Variants in RBIS observed in about 807,000 individuals in gnomAD.
RBIS encodes ribosomal biogenesis factor, also known as ribosome biogenesis factor identified in screen.
Under a neutral mutation model 9.8 loss-of-function variants are expected in RBIS, and 9 were observed. The ratio of observed to expected loss-of-function variants is 0.92; its 90% CI spans 0.56 to 1.61. RBIS has a LOEUF of 1.61. RBIS is among the 40% of genes most tolerant of loss of function. The pLI, the probability that RBIS is intolerant of heterozygous loss-of-function variation, is 0.00. For missense variants in RBIS, 103 were observed against 116.0 expected, an observed-to-expected ratio of 0.89 and a Z score of 0.51; for synonymous variants, 35 against 37.9, an observed-to-expected ratio of 0.92 and a Z score of 0.28.
intron 3 of RBIS, 53 bp from the exon 4 acceptor site, chr8:85,214,684 T>C: frequency 9.1e-7 from 1 of 1,094,148 alleles, no homozygotes; most frequent in Non-Finnish European, 1.4e-6. Flanking sequence ...AGCAGACAAA[T>C]GACTTATATA....
chr8:85,215,263 C>G, intron 2 of RBIS: 1 of 254,768 alleles, frequency 3.9e-6, no homozygotes, highest in Non-Finnish European at 7.4e-6. Context: ...GTTCAGAAGG[C>G]TAAAATATGT....
rs1344306700 is a variant in RBIS, at chr8:85,215,171, TTA to T, written c.115-136_115-135del. On this transcript the variant is annotated intron_variant, in intron 2 of 3. Transcript: ENST00000619594. ...TTAGGGATAATTCACTCAAAAATTC[TTA>T]TAGTCTTATTGGGAAATTACAGACA... The T allele has an allele frequency of 1.9e-5, 9 of 462,310 alleles. No individual in the cohort carries two copies. In the Admixed American group the frequency reaches 3.2e-4, roughly 16 times the overall value. The allele number at this position is 462,310 out of a possible 1,614,324, so 28.6% of individuals were successfully genotyped here.
rs779594526 is a variant in RBIS, at chr8:85,214,118, CT to C, written c.*441del. On this transcript the variant is annotated 3_prime_UTR_variant, in exon 4 of 4. Transcript: ENST00000619594. ...AAAGTAACTATATTCTGGATTTCAA[CT>C]TTTCTTCTAATTGTGAATCCTTCTG... is the stretch of plus-strand genomic sequence containing the variant. The C allele has an allele frequency of 1.6e-4, 92 of 563,850 alleles. No individual in the cohort carries two copies. Among genetic ancestry groups the C allele is most frequent in the Non-Finnish European group, 2.9e-4 (86 of 301,546 alleles). The allele number at this position is 563,850 out of a possible 1,614,324, so 34.9% of individuals were successfully genotyped here.
intron 2 of RBIS, 126 bp downstream of exon 2, chr8:85,217,260 A>G: frequency 4.2e-6 from 3 of 717,150 alleles, no homozygotes; most frequent in Non-Finnish European, 7.6e-6. Context: ...AATGCTTGAA[A>G]CCATCCTTAC....
Position 85,214,597 on chromosome 8 carries a change from T to A in RBIS, c.266A>T (p.Asn89Ile). 1 of 1,574,850 alleles carries A rather than the reference T, an allele frequency of 6.3e-7. No individual in the cohort carries two copies. ...PQQRHESKPV[N>I]VDEATRLMAL... Reference sequence around the variant, plus strand: ...CATTAATCTTGTAGCTTCATCAACATTAACTGGTTTGCTTTCATGACGCTG... The same window carrying A: ...CATTAATCTTGTAGCTTCATCAACAATAACTGGTTTGCTTTCATGACGCTG... The change falls in exon 4 of 4, where the codon AAT becomes ATT. Residue 89 changes from asparagine (N) to isoleucine (I), a missense_variant. Transcript: ENST00000619594.
chr8:85,214,259 G>C lies in RBIS; in HGVS notation c.*301C>G, dbSNP rs1412802807. ...CTGCCACTAAACTGCCTGTATTTCT[G>C]TATGTCCTTCTATCCAAACAGACGT... On this transcript the variant is annotated 3_prime_UTR_variant, in exon 4 of 4. Transcript: ENST00000619594. 1.8e-6 allele frequency: 1 copy of C among 560,160 alleles called. No homozygotes were observed. The highest frequency in any genetic ancestry group is 1.6e-5 in the South Asian group (1 of 63,100). 34.7% of individuals were successfully genotyped at this position (560,160 alleles called of 1,614,324 possible). A position where few individuals can be genotyped will look rare whatever the true frequency, so the allele number is the denominator to read the frequency against.
At chr8:85,217,932 T>A (rs1230968258) in intron 1 of RBIS, among the ~76,000 whole-genome samples, 1 of 152,196 alleles carries the variant, frequency 6.6e-6, no homozygotes, top group African/African-American at 2.4e-5. Flanking sequence ...CCACTTTCTC[T>A]CCTGTGCATC....
intron 1 of RBIS, chr8:85,218,689 G>C (rs1182765043): frequency 6.6e-6 from 1 of 152,250 alleles, no homozygotes; most frequent in Non-Finnish European, 1.5e-5. Flanking sequence ...AAAATTAGCT[G>C]GGCGTGGTGG....
In RBIS at chr8:85,220,333, T is replaced by C. The variant is rs1813324353; in HGVS notation, c.-31A>G. The C allele has an allele frequency of 6.6e-6, 1 of 152,258 alleles. No homozygotes were observed. Among genetic ancestry groups the C allele is most frequent in the Non-Finnish European group, 1.5e-5 (1 of 68,050 alleles). The allele number at this position is 152,258 out of a possible 1,614,324, so 9.4% of individuals were successfully genotyped here. ...GAAGTTTAACACTTGCGTGCAGCTT[T>C]TTAAGCTCCAGGTAACACCATCTGG... is the stretch of plus-strand genomic sequence containing the variant. On this transcript the variant is annotated 5_prime_UTR_variant, in exon 1 of 4. Transcript: ENST00000619594.
chr8:85,220,128 A>T (rs914459134), intron 1 of RBIS, among the ~76,000 whole-genome samples, 178 bp downstream of exon 1: 5 of 152,144 alleles, frequency 3.3e-5, no homozygotes, highest in African/African-American at 9.7e-5. Context: ...CCCCGTCAGG[A>T]GATGAAAGCC....
At position 85,214,908 on chromosome 8, in the gene RBIS, G is replaced by A. The variant is rs373760171; in HGVS notation, c.231+13C>T. On this transcript the variant is annotated intron_variant, in intron 3 of 3. Transcript: ENST00000619594. ...TTGTTAGCCATAAAAAAAAGCAAAT[G>A]ATTTCTGCTTACCAGTTCTTTCTGC... 77 of 1,400,120 alleles carry A rather than the reference G, an allele frequency of 5.5e-5. No homozygotes were observed. In the African/African-American group the frequency reaches 1.0e-3, roughly 19 times the overall value. The allele number at this position is 1,400,120 out of a possible 1,614,324, so 86.7% of individuals were successfully genotyped here. A position where few individuals can be genotyped will look rare whatever the true frequency, so the allele number is the denominator to read the frequency against.
In RBIS at chr8:85,215,002, T is replaced by A; in HGVS notation, c.150A>T (p.Val50=). The change falls in exon 3 of 4, where the codon GTA becomes GTT. Residue 50 remains valine, a synonymous_variant. Coordinates refer to ENST00000619594, the MANE Select transcript of RBIS (RefSeq NM_001099673.3). ...TTTGTACATTTACAAAAGCTTTATT[T>A]ACTCTGTTAACTTTTTCCTCATTCA... ...NIMNEEKVNR[V]NKAFVNVQKE... 1 of 1,562,396 alleles carries A rather than the reference T, an allele frequency of 6.4e-7. No homozygotes were observed. The highest frequency in any genetic ancestry group is 8.7e-7 in the Non-Finnish European group (1 of 1,144,230).
chr8:85,220,035 A>T (rs1587515384), intron 1 of RBIS, among the ~76,000 whole-genome samples: 2 of 152,310 alleles, frequency 1.3e-5, no homozygotes, highest in East Asian at 3.9e-4. Flanking sequence ...AAAGTAATAC[A>T]CTAGTGGGGG....
At chr8:85,216,900 G>C (rs1228066837) in intron 2 of RBIS, 1 of 161,654 alleles carries the variant, frequency 6.2e-6, no homozygotes, top group Non-Finnish European at 1.3e-5. Flanking sequence ...TATAAACAAA[G>C]AAAAGAAACC....
Position 85,214,410 on chromosome 8 carries a change from C to A in RBIS, c.*150G>T. The A allele has an allele frequency of 1.6e-6, 1 of 644,320 alleles. No individual in the cohort carries two copies. Among genetic ancestry groups the A allele is most frequent in the Admixed American group, 3.0e-5 (1 of 33,658 alleles). The allele number at this position is 644,320 out of a possible 1,614,324, so 39.9% of individuals were successfully genotyped here. A position where few individuals can be genotyped will look rare whatever the true frequency, so the allele number is the denominator to read the frequency against. On this transcript the variant is annotated 3_prime_UTR_variant, in exon 4 of 4. Coordinates refer to ENST00000619594, the MANE Select transcript of RBIS (RefSeq NM_001099673.3). ...CACATTTTGTTGACTTCTGACATTC[C>A]ACTTTCCTAGGTTATAGGAAAGATC... is the stretch of plus-strand genomic sequence containing the variant.
intron 1 of RBIS, among the ~76,000 whole-genome samples, chr8:85,220,090 T>G (rs1463291330): frequency 6.6e-6 from 1 of 151,860 alleles, no homozygotes; most frequent in Non-Finnish European, 1.5e-5. Flanking sequence ...TAGAAACTGA[T>G]CATGAAAGAC....
intron 1 of RBIS, chr8:85,218,851 AAAAT>A (rs1243148964): frequency 1.3e-5 from 2 of 152,310 alleles, no homozygotes; most frequent in Admixed American, 6.5e-5. Context: ...AATTAATTAA[AAAAT>A]AAAGTTTAAT....
chr8:85,214,474 T>C lies in RBIS; in HGVS notation c.*86A>G. On this transcript the variant is annotated 3_prime_UTR_variant, in exon 4 of 4. Coordinates refer to ENST00000619594, the MANE Select transcript of RBIS (RefSeq NM_001099673.3). Reference sequence around the variant, plus strand: ...TGTTTTTAAAATGTGCCAATGCCTGTACATTAACAAGATTTTTAAAAATAA... The same window carrying C: ...TGTTTTTAAAATGTGCCAATGCCTGCACATTAACAAGATTTTTAAAAATAA... 1.1e-6 allele frequency: 1 copy of C among 923,578 alleles called. No homozygotes were observed. Among genetic ancestry groups the C allele is most frequent in the Non-Finnish European group, 1.8e-6 (1 of 570,912 alleles). The allele number at this position is 923,578 out of a possible 1,614,324, so 57.2% of individuals were successfully genotyped here.
chr8:85,214,756 T>C (rs1291647547), intron 3 of RBIS, 125 bp from the exon 4 acceptor site: 1 of 787,514 alleles, frequency 1.3e-6, no homozygotes, highest in Non-Finnish European at 2.2e-6. Context: ...CTGTATATTC[T>C]GACAATGTTT....
Sources: gnomAD v4.1 joint callset for allele counts (sites outside exome capture counted in the v4.1 genomes callset) on GRCh38, gnomAD v4.1.1 for gene constraint, MANE v1.5 for transcripts, NCBI Gene and HGNC (gene_info 2026-07-23, HGNC 2026-07-21) for gene names.